USP48: variants seen among roughly 807,000 people sequenced by gnomAD.
USP48 encodes the protein ubiquitin specific peptidase 48, also known as ubiquitin carboxyl-terminal hydrolase 48.
Under a neutral mutation model 150.7 loss-of-function variants are expected in USP48, and 43 were observed. The ratio of observed to expected loss-of-function variants is 0.29; its 90% confidence interval spans 0.22 to 0.37. The LOEUF (loss-of-function observed/expected upper bound fraction) is 0.37. Among genes scored for constraint, USP48 ranks in the 10% least tolerant of loss-of-function variants. The pLI is 1.00. For missense variants in USP48, 813 were observed against 1,249.6 expected, an observed-to-expected ratio of 0.65 and a Z score of 5.27; for synonymous variants, 396 against 425.9, an observed-to-expected ratio of 0.93 and a Z score of 0.86.
At position 21,743,015 on chromosome 1, in the gene USP48, A is replaced by AT. The variant is rs143809487; in HGVS notation, c.991+4051dup. Among the ~76,000 whole-genome samples the AT allele has an allele frequency of 1.8e-4, 27 of 152,072 alleles. No homozygotes were observed. In the South Asian group the frequency reaches 1.9e-3, roughly 11 times the overall value. On this transcript the variant is annotated intron_variant, in intron 8 of 26. Transcript: ENST00000308271. Reference sequence around the variant, plus strand: ...TTTTAACGTTTAAAGTGGTTTAAAAATTTTTTTTTAATATTCTGGATACCT... The same window carrying AT: ...TTTTAACGTTTAAAGTGGTTTAAAAATTTTTTTTTTAATATTCTGGATACCT...
chr1:21,732,302 G>A (rs533241366), intron 9 of USP48, among the ~76,000 whole-genome samples: 1 of 152,130 alleles, frequency 6.6e-6, no homozygotes, highest in Non-Finnish European at 1.5e-5. Flanking sequence ...GAGGTTATGG[G>A]CAGTTCTAAG....
intron 24 of USP48, among the ~76,000 whole-genome samples, chr1:21,688,829 C>T (rs1290313197): frequency 4.2e-5 from 5 of 118,966 alleles, no homozygotes; most frequent in East Asian, 2.5e-4. Context: ...GGCAACACAG[C>T]GAGACTCCAT....
chr1:21,779,891 G>A (rs189131547), intron 1 of USP48, among the ~76,000 whole-genome samples: 145 of 152,266 alleles, frequency 9.5e-4, no homozygotes, highest in Middle Eastern at 3.4e-3. Flanking sequence ...CCAAGTAGGA[G>A]GGCCTAACCA....
intron 15 of USP48, among the ~76,000 whole-genome samples, chr1:21,712,628 C>CT (rs11333202): frequency 0.08 from 10,813 of 134,480 alleles, 774 homozygotes; most frequent in African/African-American, 0.19. Context: ...GAAAACTATC[C>CT]TTTTTTTTTT....
At chr1:21,753,333 C>T (rs1232090068) in intron 3 of USP48, among the ~76,000 whole-genome samples, 2 of 150,316 alleles carry the variant, frequency 1.3e-5, no homozygotes, top group Non-Finnish European at 3.0e-5. Context: ...AGGCAGATCA[C>T]TTGAGATCAG....
At chr1:21,725,372 T>C (rs2097733686) in intron 11 of USP48, among the ~76,000 whole-genome samples, 1 of 152,230 alleles carries the variant, frequency 6.6e-6, no homozygotes, top group Admixed American at 6.5e-5. Flanking sequence ...GTATAAAAGA[T>C]AAGCTATGTG....
At chr1:21,716,762 C>G (rs547137887) in intron 14 of USP48, among the ~76,000 whole-genome samples, 6 of 152,200 alleles carry the variant, frequency 3.9e-5, no homozygotes, top group Admixed American at 6.5e-5. Flanking sequence ...GGCGTGGTGG[C>G]TCACGCCTGT....
chr1:21,744,048 C>T (rs761913325), intron 8 of USP48, among the ~76,000 whole-genome samples: 2 of 152,158 alleles, frequency 1.3e-5, no homozygotes, highest in African/African-American at 4.8e-5. Context: ...CAGGTATCAG[C>T]AGTAGCTGTC....
In USP48 at chr1:21,705,749, T is replaced by C; in HGVS notation, c.2362A>G (p.Met788Val). ...HGGLMFTFAS[M>V]TKEDSKLIAL... ...CACAGTTTAGAATCTTCTTTGGTCA[T>C]GGAAGCAAATGTAAACATGAGGCCC... The change falls in exon 19 of 27, where the codon ATG becomes GTG. Residue 788 changes from methionine (M) to valine (V), a missense_variant. By Grantham distance (21) the Met-to-Val change is conservative. Coordinates refer to ENST00000308271, the MANE Select transcript of USP48 (RefSeq NM_032236.8). 1.2e-6 allele frequency: 2 copies of C among 1,608,858 alleles called. No individual in the cohort carries two copies. The highest frequency in any genetic ancestry group is 1.7e-4 in the Middle Eastern group (1 of 6,038).
chr1:21,721,972 T>C (rs2097722087), intron 12 of USP48, among the ~76,000 whole-genome samples: 1 of 152,066 alleles, frequency 6.6e-6, no homozygotes, highest in Middle Eastern at 3.2e-3. Flanking sequence ...TAAAGAACAA[T>C]GAGAGACAAA....
chr1:21,732,150 GC>G (rs1420300958), intron 9 of USP48, among the ~76,000 whole-genome samples: 2 of 152,006 alleles, frequency 1.3e-5, no homozygotes, highest in Non-Finnish European at 2.9e-5. Flanking sequence ...ATGGTGACGC[GC>G]CCCTCTAATC....
intron 19 of USP48, 81 bp downstream of exon 19, chr1:21,705,646 G>GA: frequency 6.6e-6 from 7 of 1,057,266 alleles, no homozygotes; most frequent in Non-Finnish European, 9.4e-6. Context: ...TATGTCAGAT[G>GA]AGAAATTTCC....
intron 1 of USP48, among the ~76,000 whole-genome samples, chr1:21,761,925 G>C (rs1293137578): frequency 6.6e-6 from 1 of 152,184 alleles, no homozygotes; most frequent in Non-Finnish European, 1.5e-5. Flanking sequence ...TTGTTTTAGT[G>C]CTTATAACTC....
intron 22 of USP48, 117 bp downstream of exon 22, chr1:21,701,381 A>AT: frequency 7.0e-6 from 5 of 709,586 alleles, no homozygotes; most frequent in Non-Finnish European, 8.9e-6. Flanking sequence ...AAAAAAAAAA[A>AT]GAAAAAAAAA....
At chr1:21,723,802 T>G in intron 12 of USP48, 96 bp downstream of exon 12, 1 of 1,110,656 alleles carries the variant, frequency 9.0e-7, no homozygotes, top group South Asian at 1.5e-5. Context: ...TCTAGCATAG[T>G]TTGGGTCAAA....
chr1:21,766,356 G>A lies in USP48; in HGVS notation c.135-8573C>T, dbSNP rs76422825. Among the ~76,000 whole-genome samples, 859 of 151,724 alleles carry A rather than the reference G, an allele frequency of 5.7e-3. 6 individuals are homozygous for A. Among genetic ancestry groups the A allele is most frequent in the African/African-American group, 0.019 (803 of 41,420 alleles). On this transcript the variant is annotated intron_variant, in intron 1 of 26. Coordinates refer to ENST00000308271, the MANE Select transcript of USP48 (RefSeq NM_032236.8). ...ACTGCACCCTAGCCTAGGTGACACA[G>A]CACAAAAAAAAACAATGTTCCACAA...
intron 15 of USP48, among the ~76,000 whole-genome samples, chr1:21,712,628 C>CTTT (rs11333202): frequency 3.0e-5 from 4 of 134,546 alleles, no homozygotes; most frequent in African/African-American, 8.4e-5. Flanking sequence ...GAAAACTATC[C>CTTT]TTTTTTTTTT....
intron 1 of USP48, among the ~76,000 whole-genome samples, chr1:21,766,335 C>A (rs1251481098): frequency 6.6e-6 from 1 of 151,898 alleles, no homozygotes; most frequent in Non-Finnish European, 1.5e-5. Flanking sequence ...CATGGCACTG[C>A]ACCCTAGCCT....
chr1:21,695,373 C>G (rs775513456), intron 22 of USP48, 152 bp from the exon 23 acceptor site: 48 of 803,670 alleles, frequency 6.0e-5, no homozygotes, highest in Non-Finnish European at 7.8e-5. Context: ...ACTAACGAGA[C>G]TTTCTTAGCA....
Sources: allele counts gnomAD v4.1 joint callset (sites outside exome capture counted in the v4.1 genomes callset), GRCh38; gene constraint gnomAD v4.1.1; transcripts MANE v1.5; gene names NCBI Gene and HGNC (gene_info 2026-07-23, HGNC 2026-07-21).